SLC9A9: variants seen among roughly 807,000 people sequenced by gnomAD.
SLC9A9 encodes sodium/hydrogen exchanger 9.
Under a neutral mutation model 77.8 loss-of-function variants are expected in SLC9A9, and 62 were observed. The ratio of observed to expected loss-of-function variants is 0.80; its 90% CI spans 0.65 to 0.98. The LOEUF (loss-of-function observed/expected upper bound fraction) is 0.98. Among genes scored for constraint, SLC9A9 ranks in the 50% least tolerant of loss-of-function variants. The pLI, the probability that SLC9A9 is intolerant of heterozygous loss-of-function variation, is 0.00. For synonymous variants in SLC9A9, 320 were observed against 283.5 expected, an observed-to-expected ratio of 1.13 and a Z score of -1.29; for missense variants, 775 against 774.9, an observed-to-expected ratio of 1.00 and a Z score of 0.00.
chr3:143,481,639 C>T (rs1161218257), intron 11 of SLC9A9, among the ~76,000 whole-genome samples: 1 of 152,160 alleles, frequency 6.6e-6, no homozygotes, highest in Non-Finnish European at 1.5e-5. Context: ...TCTCAAACTT[C>T]CATGTGCACA....
intron 14 of SLC9A9, among the ~76,000 whole-genome samples, chr3:143,333,346 G>T (rs1283517440): frequency 3.3e-5 from 5 of 150,678 alleles, no homozygotes; most frequent in African/African-American, 4.9e-5. Flanking sequence ...AGCAAATAAT[G>T]CTCCATGGCT....
chr3:143,837,947 G>C (rs1331072692), intron 1 of SLC9A9, among the ~76,000 whole-genome samples: 1 of 152,210 alleles, frequency 6.6e-6, no homozygotes, highest in African/African-American at 2.4e-5. Context: ...GCAGAACAGA[G>C]AAAAGGAAAG....
At chr3:143,683,640 C>A (rs1933171676) in intron 5 of SLC9A9, among the ~76,000 whole-genome samples, 1 of 152,092 alleles carries the variant, frequency 6.6e-6, no homozygotes, top group African/African-American at 2.4e-5. Context: ...CATGTAAGAA[C>A]CATGTCCTTC....
chr3:143,738,251 A>T (rs1934992925), intron 4 of SLC9A9, among the ~76,000 whole-genome samples: 1 of 152,154 alleles, frequency 6.6e-6, no homozygotes, highest in Admixed American at 6.5e-5. Context: ...ATTCCCTTCC[A>T]GCCACATGCC....
intron 14 of SLC9A9, among the ~76,000 whole-genome samples, chr3:143,280,698 C>T (rs1938191245): frequency 6.6e-6 from 1 of 151,852 alleles, no homozygotes; most frequent in African/African-American, 2.4e-5. Flanking sequence ...TTACAGGCTC[C>T]CGCTGCCATG....
chr3:143,808,623 G>T (rs1000927468), intron 2 of SLC9A9, among the ~76,000 whole-genome samples: 3 of 152,064 alleles, frequency 2.0e-5, no homozygotes, highest in African/African-American at 7.2e-5. Context: ...TCATGATCTA[G>T]GTTCCTTCTG....
At chr3:143,838,779 G>T (rs1417710370) in intron 1 of SLC9A9, among the ~76,000 whole-genome samples, 4 of 152,120 alleles carry the variant, frequency 2.6e-5, no homozygotes, top group African/African-American at 9.7e-5. Context: ...ATGAACTAGG[G>T]ATTCAAATGT....
chr3:143,389,453 T>C (rs527744015), intron 12 of SLC9A9, among the ~76,000 whole-genome samples: 3 of 152,192 alleles, frequency 2.0e-5, no homozygotes, highest in Admixed American at 6.5e-5. Flanking sequence ...GTGGAAAGTA[T>C]TGAGGTGTTT....
chr3:143,523,373 T>C (rs1331834513), intron 9 of SLC9A9, among the ~76,000 whole-genome samples: 1 of 152,146 alleles, frequency 6.6e-6, no homozygotes, highest in African/African-American at 2.4e-5. Context: ...CCTGAAGAAC[T>C]TCATATTTTT....
At position 143,423,248 on chromosome 3, in the gene SLC9A9, TACACACACAC is replaced by T. The variant is rs377276883; in HGVS notation, c.1470-41144_1470-41135del. ...ACACACACGTGTACACACGCGCGTG[TACACACACAC>T]ACACACACACACACACACACACACA... On this transcript the variant is annotated intron_variant, in intron 12 of 15. Coordinates refer to ENST00000316549, the MANE Select transcript of SLC9A9 (RefSeq NM_173653.4). Among the ~76,000 whole-genome samples the T allele has an allele frequency of 4.6e-3, 659 of 143,826 alleles. 7 individuals carry two copies. The highest frequency in any genetic ancestry group is 8.0e-3 in the East Asian group (38 of 4,760). 94.4% of individuals were successfully genotyped at this position (143,826 alleles called of 152,430 possible).
intron 14 of SLC9A9, among the ~76,000 whole-genome samples, chr3:143,344,844 TTTTGGTGTG>T (rs751364870): frequency 4.7e-5 from 6 of 128,748 alleles, no homozygotes; most frequent in Non-Finnish European, 8.1e-5. Flanking sequence ...TTCTTTCTTG[TTTTGGTGTG>T]TTGGAGGGAA....
At chr3:143,423,213 A>T (rs6777206) in intron 12 of SLC9A9, among the ~76,000 whole-genome samples, 1 of 146,844 alleles carries the variant, frequency 6.8e-6, no homozygotes. Flanking sequence ...CCTCACACAC[A>T]CGTACACACA....
chr3:143,525,744 G>T (rs1331847959), intron 9 of SLC9A9, among the ~76,000 whole-genome samples: 1 of 152,116 alleles, frequency 6.6e-6, no homozygotes, highest in Admixed American at 6.5e-5. Flanking sequence ...AAACAGGAAA[G>T]AATGAAATAA....
intron 12 of SLC9A9, among the ~76,000 whole-genome samples, chr3:143,422,130 T>G (rs919947716): frequency 6.6e-6 from 1 of 152,116 alleles, no homozygotes; most frequent in Non-Finnish European, 1.5e-5. Flanking sequence ...AAAAGGGAAC[T>G]CATACACTGT....
intron 14 of SLC9A9, among the ~76,000 whole-genome samples, chr3:143,329,106 C>A (rs1035327745): frequency 1.3e-5 from 2 of 152,206 alleles, no homozygotes; most frequent in Admixed American, 1.3e-4. Context: ...AGATGTTTCC[C>A]AGCCTTAGCG....
intron 4 of SLC9A9, among the ~76,000 whole-genome samples, chr3:143,752,340 C>T (rs2006752748): frequency 6.6e-6 from 1 of 152,148 alleles, no homozygotes; most frequent in Non-Finnish European, 1.5e-5. Context: ...TCGTATTAGC[C>T]ACAGGCAGCC....
At chr3:143,574,733 G>T (rs2037327183) in intron 7 of SLC9A9, among the ~76,000 whole-genome samples, 1 of 151,930 alleles carries the variant, frequency 6.6e-6, no homozygotes, top group Non-Finnish European at 1.5e-5. Flanking sequence ...TAAGGAGAAG[G>T]TATGTTATTT....
intron 8 of SLC9A9, among the ~76,000 whole-genome samples, chr3:143,570,223 A>G (rs1476485344): frequency 6.6e-6 from 1 of 152,216 alleles, no homozygotes; most frequent in Non-Finnish European, 1.5e-5. Flanking sequence ...GTAGTTCACC[A>G]AAGAAGAAAT....
intron 4 of SLC9A9, among the ~76,000 whole-genome samples, chr3:143,749,968 T>C (rs897515955): frequency 2.0e-5 from 3 of 152,100 alleles, no homozygotes; most frequent in Admixed American, 6.5e-5. Context: ...TTACGCAGGC[T>C]CTCCTGCAGA....
Sources: gnomAD v4.1 joint callset for allele counts (sites outside exome capture counted in the v4.1 genomes callset) on GRCh38, gnomAD v4.1.1 for gene constraint, MANE v1.5 for transcripts, NCBI Gene and HGNC (gene_info 2026-07-23, HGNC 2026-07-21) for gene names.